The following GMDS variants were observed in gnomAD, a reference collection of about 807,000 sequenced individuals.
The protein encoded by GMDS is GDP-mannose 4,6 dehydratase.
A neutral mutation model predicts 49.9 loss-of-function variants in GMDS; 20 were observed. That is an observed-to-expected ratio of 0.40 (90% CI 0.28 to 0.58). The LOEUF is 0.58. GMDS is among the 20% of genes least tolerant of loss of function. GMDS has a pLI of 0.42. For missense variants in GMDS, 362 were observed against 481.4 expected (o/e 0.75, Z 2.32); for synonymous variants, 177 against 178.6 (o/e 0.99, Z 0.07).
At chr6:1,954,103 G>A (rs922843599) in intron 6 of GMDS, among the ~76,000 whole-genome samples, 10 of 152,172 alleles carry the variant, frequency 6.6e-5, no homozygotes, top group African/African-American at 2.4e-4. Flanking sequence ...AATACTGTAT[G>A]TATGTAAATA....
At chr6:1,933,401 T>C (rs1486856616) in intron 6 of GMDS, among the ~76,000 whole-genome samples, 1 of 152,210 alleles carries the variant, frequency 6.6e-6, no homozygotes, top group Admixed American at 6.5e-5. Flanking sequence ...AGGGGTGGAA[T>C]TGCTGGGTCA....
chr6:1,737,651 A>G (rs984996399), intron 8 of GMDS, among the ~76,000 whole-genome samples: 1 of 148,786 alleles, frequency 6.7e-6, no homozygotes, highest in African/African-American at 2.5e-5. Flanking sequence ...ATACATACAC[A>G]TACACACACC....
At chr6:2,061,718 CAAAAAA>C (rs68037512) in intron 4 of GMDS, among the ~76,000 whole-genome samples, 22 of 57,108 alleles carry the variant, frequency 3.9e-4, no homozygotes, top group African/African-American at 1.6e-3. Flanking sequence ...GACTCTGTCT[CAAAAAA>C]AAAAAAAAAA....
At chr6:1,760,696 C>A (rs1385330928) in intron 7 of GMDS, among the ~76,000 whole-genome samples, 1 of 152,184 alleles carries the variant, frequency 6.6e-6, no homozygotes, top group African/African-American at 2.4e-5. Context: ...TCCCCAGTGT[C>A]TTCATTCACA....
rs1485714399 is a variant in GMDS at position 1,653,067 on chromosome 6, CG to C, written c.988-28528del. ...GTTGTCTCCCACAGGTCCTACTGCT[CG>C]GCAGCCTTGAGGAGCACAGATGCAT... On this transcript the variant is annotated intron_variant, in intron 9 of 10. Transcript: ENST00000380815. 2.6e-5 allele frequency among the ~76,000 whole-genome samples: 4 copies of C among 151,956 alleles called. No homozygotes were observed. In the East Asian group the frequency reaches 5.8e-4, roughly 22 times the overall value.
At chr6:1,906,764 C>T (rs1688910305) in intron 7 of GMDS, among the ~76,000 whole-genome samples, 1 of 152,176 alleles carries the variant, frequency 6.6e-6, no homozygotes, top group African/African-American at 2.4e-5. Flanking sequence ...GGAGTAGGAG[C>T]TCTCCCATCT....
chr6:1,624,114 C>A lies in GMDS; in HGVS notation c.*55G>T. ...TCCCCATCCCCGCAGCGCGTCTGCA[C>A]CGGAGACTCTGCGGGGATTGTAGCC... On this transcript the variant is annotated 3_prime_UTR_variant, in exon 11 of 11. Coordinates refer to ENST00000380815, the MANE Select transcript of GMDS (RefSeq NM_001500.4). The A allele has an allele frequency of 6.7e-7, 1 of 1,502,952 alleles. No individual in the cohort carries two copies. The highest frequency in any genetic ancestry group is 1.1e-5 in the South Asian group (1 of 88,884). 93.1% of individuals were successfully genotyped at this position (1,502,952 alleles called of 1,614,324 possible). A position where few individuals can be genotyped will look rare whatever the true frequency, so the allele number is the denominator to read the frequency against.
chr6:2,140,724 T>C (rs1385239612), intron 1 of GMDS, among the ~76,000 whole-genome samples: 1 of 152,220 alleles, frequency 6.6e-6, no homozygotes, highest in Non-Finnish European at 1.5e-5. Flanking sequence ...TTTAATCAAG[T>C]AAGTCTGAAC....
chr6:1,890,944 G>A (rs1011612265), intron 7 of GMDS, among the ~76,000 whole-genome samples: 1 of 152,174 alleles, frequency 6.6e-6, no homozygotes, highest in African/African-American at 2.4e-5. Context: ...TCCATTTTGA[G>A]TTAATTTTTG....
intron 4 of GMDS, among the ~76,000 whole-genome samples, chr6:2,060,672 A>G (rs918103748): frequency 6.6e-6 from 1 of 152,220 alleles, no homozygotes; most frequent in African/African-American, 2.4e-5. Context: ...AGAGAAAAGG[A>G]TGAGGTATGA....
chr6:1,685,734 C>T (rs1481862467), intron 9 of GMDS, among the ~76,000 whole-genome samples: 1 of 151,922 alleles, frequency 6.6e-6, no homozygotes, highest in Non-Finnish European at 1.5e-5. Context: ...CCAGGAAAAA[C>T]GGAGTGAAGA....
At chr6:1,983,407 T>C (rs1271265629) in intron 4 of GMDS, among the ~76,000 whole-genome samples, 5 of 152,022 alleles carry the variant, frequency 3.3e-5, no homozygotes, top group East Asian at 3.9e-4. Context: ...AGAGCTTCTG[T>C]ACAGCAAAAG....
intron 9 of GMDS, among the ~76,000 whole-genome samples, chr6:1,655,291 A>T (rs1763837050): frequency 1.3e-5 from 2 of 152,188 alleles, no homozygotes; most frequent in Admixed American, 1.3e-4. Context: ...TGGGTAAACG[A>T]AATTTTAAAA....
At chr6:1,926,313 G>A (rs576983700) in intron 7 of GMDS, among the ~76,000 whole-genome samples, 2 of 152,306 alleles carry the variant, frequency 1.3e-5, no homozygotes, top group South Asian at 2.1e-4. Context: ...CATGCGCACA[G>A]AGGCTTCAGC....
At chr6:2,136,899 T>C (rs1193957318) in intron 1 of GMDS, among the ~76,000 whole-genome samples, 1 of 98,814 alleles carries the variant, frequency 1.0e-5, no homozygotes, top group Admixed American at 1.1e-4. Flanking sequence ...TGAGACTTCA[T>C]TTCAAACAAA....
At chr6:2,039,101 T>A (rs1430044067) in intron 4 of GMDS, among the ~76,000 whole-genome samples, 5 of 152,196 alleles carry the variant, frequency 3.3e-5, no homozygotes, top group Non-Finnish European at 7.3e-5. Context: ...GCTCCCAACC[T>A]GTACAGCAGG....
At chr6:1,655,756 C>T (rs1456989160) in intron 9 of GMDS, among the ~76,000 whole-genome samples, 2 of 152,242 alleles carry the variant, frequency 1.3e-5, no homozygotes, top group Non-Finnish European at 2.9e-5. Context: ...CTGCCCACCT[C>T]AGCCTCCCAA....
intron 7 of GMDS, among the ~76,000 whole-genome samples, chr6:1,872,727 G>C (rs555852907): frequency 6.6e-6 from 1 of 152,232 alleles, no homozygotes; most frequent in Non-Finnish European, 1.5e-5. Flanking sequence ...TTATAGATGC[G>C]CTCAAGCTGT....
chr6:2,105,561 A>C (rs1355290386), intron 4 of GMDS, among the ~76,000 whole-genome samples: 1 of 152,342 alleles, frequency 6.6e-6, no homozygotes, highest in East Asian at 1.9e-4. Context: ...ACCATGTAAC[A>C]ATTAATCCAT....
Sources: gnomAD v4.1 joint callset for allele counts (sites outside exome capture counted in the v4.1 genomes callset) on GRCh38, gnomAD v4.1.1 for gene constraint, MANE v1.5 for transcripts, NCBI Gene and HGNC (gene_info 2026-07-23, HGNC 2026-07-21) for gene names.